CDH4: variants seen among roughly 807,000 people sequenced by gnomAD.
CDH4 encodes cadherin 4.
A neutral mutation model predicts 86.0 loss-of-function variants in CDH4; 33 were observed. The ratio of observed to expected loss-of-function variants is 0.38; its 90% confidence interval spans 0.29 to 0.51. CDH4 has a LOEUF of 0.51. Among genes scored for constraint, CDH4 ranks in the 20% least tolerant of loss-of-function variants. The pLI, the probability that CDH4 is intolerant of heterozygous loss-of-function variation, is 0.86. For synonymous variants in CDH4, 555 were observed against 549.4 expected, an observed-to-expected ratio of 1.01 and a Z score of -0.14; for missense variants, 1,114 against 1,307.4, an observed-to-expected ratio of 0.85 and a Z score of 2.28.
rs149310357 is a variant in CDH4 at position 61,386,167 on chromosome 20, C to A, written c.169+131230C>A. Among the ~76,000 whole-genome samples the A allele has an allele frequency of 9.7e-3, 1,476 of 152,262 alleles. 10 individuals are homozygous for A. The highest frequency in any genetic ancestry group is 0.065 in the Middle Eastern group (19 of 294). On this transcript the variant is annotated intron_variant, in intron 2 of 15. Coordinates refer to ENST00000614565, the MANE Select transcript of CDH4 (RefSeq NM_001794.5). ...TGTTCGCCTTTCCTGGAAGAATAGA[C>A]CACGTACCACTGCTGTTCGTTGTTG...
chr20:61,522,216 A>T (rs2085874707), intron 2 of CDH4, among the ~76,000 whole-genome samples: 1 of 152,058 alleles, frequency 6.6e-6, no homozygotes, highest in Admixed American at 6.5e-5. Context: ...CCTCGCTGTG[A>T]TACCCCCTCA....
chr20:61,632,101 T>G (rs540633235), intron 2 of CDH4, among the ~76,000 whole-genome samples: 7 of 152,348 alleles, frequency 4.6e-5, no homozygotes, highest in Admixed American at 1.3e-4. Flanking sequence ...TCCTGTGATG[T>G]GCACAGCACA....
intron 2 of CDH4, among the ~76,000 whole-genome samples, chr20:61,375,766 G>C (rs569095776): frequency 1.5e-5 from 2 of 135,062 alleles, no homozygotes; most frequent in Admixed American, 1.5e-4. Context: ...GGTGGTGCTG[G>C]TGGTGGTCAT....
intron 2 of CDH4, among the ~76,000 whole-genome samples, chr20:61,547,174 T>C (rs1280991512): frequency 6.7e-6 from 1 of 148,274 alleles, no homozygotes; most frequent in Non-Finnish European, 1.5e-5. Context: ...GGATTCAGTC[T>C]CTCACATACT....
intron 2 of CDH4, among the ~76,000 whole-genome samples, chr20:61,726,353 T>G (rs1226871890): frequency 1.3e-5 from 2 of 152,050 alleles, no homozygotes; most frequent in Admixed American, 1.3e-4. Flanking sequence ...GGTTTCTGCT[T>G]GGGAACCCCC....
At chr20:61,261,575 T>G (rs1245181123) in intron 2 of CDH4, among the ~76,000 whole-genome samples, 1 of 152,138 alleles carries the variant, frequency 6.6e-6, no homozygotes, top group Non-Finnish European at 1.5e-5. Flanking sequence ...GATCGGTGAG[T>G]TCTGGAGATT....
At chr20:61,508,109 CA>C (rs1241127162) in intron 2 of CDH4, among the ~76,000 whole-genome samples, 2 of 152,216 alleles carry the variant, frequency 1.3e-5, no homozygotes, top group African/African-American at 4.8e-5. Context: ...CAAACATAAG[CA>C]TGCTTCCCGT....
At chr20:61,483,144 G>A (rs548901809) in intron 2 of CDH4, among the ~76,000 whole-genome samples, 10 of 152,346 alleles carry the variant, frequency 6.6e-5, no homozygotes, top group South Asian at 4.1e-4. Context: ...AGTCCAGGTA[G>A]ATAGGAACAC....
chr20:61,845,814 G>T (rs1982429642), intron 5 of CDH4, among the ~76,000 whole-genome samples: 1 of 152,232 alleles, frequency 6.6e-6, no homozygotes, highest in Non-Finnish European at 1.5e-5. Context: ...GTGTCACCTT[G>T]CTCGGTTCCA....
At chr20:61,840,960 T>A (rs188037830) in intron 4 of CDH4, among the ~76,000 whole-genome samples, 41 of 152,308 alleles carry the variant, frequency 2.7e-4, no homozygotes, top group Non-Finnish European at 5.9e-5. Flanking sequence ...AAAAACAAAT[T>A]CTCTTTAAAT....
rs1458318661 is a variant in CDH4 at position 61,620,752 on chromosome 20, G to T, written c.170-122811G>T. Among the ~76,000 whole-genome samples, 8 of 152,296 alleles carry T rather than the reference G, an allele frequency of 5.3e-5. No individual in the cohort carries two copies. The South Asian group carries it at 6.2e-4, about 12-fold the overall frequency. ...GAGCAATGTTTGTTTCTTTGTGTTT[G>T]TTTGTTTACTTGTTTGCAGAGGCTG... On this transcript the variant is annotated intron_variant, in intron 2 of 15. Transcript: ENST00000614565.
At chr20:61,462,882 A>C (rs1402454344) in intron 2 of CDH4, among the ~76,000 whole-genome samples, 1 of 152,178 alleles carries the variant, frequency 6.6e-6, no homozygotes, top group African/African-American at 2.4e-5. Context: ...CAGTCTTCAA[A>C]GGGGATGAAG....
At position 61,743,734 on chromosome 20, in the gene CDH4, A is replaced by G; in HGVS notation, c.341A>G (p.Asp114Gly). ...AWDSQTAEKW[D>G]AVVRLLVAQT... ...GACAGCCAGACAGCAGAGAAATGGG[A>G]CGCCGTGGTGCGGTTGCTGGTGGCC... Residue 114 changes from aspartate to glycine, a missense_variant, in exon 3 of 16, where the codon GAC becomes GGC. By Grantham distance (94) the Asp-to-Gly change is moderately conservative. Around this residue, in one of 3 missense-constraint regions of CDH4, gnomAD observed 221 missense variants for 209.5 expected, o/e 1.05. Transcript: ENST00000614565. 1 of 1,611,146 alleles carries G rather than the reference A, an allele frequency of 6.2e-7. No individual in the cohort carries two copies. The highest frequency in any genetic ancestry group is 2.2e-5 in the East Asian group (1 of 44,790).
chr20:61,713,244 G>C (rs2087912485), intron 2 of CDH4, among the ~76,000 whole-genome samples: 1 of 152,194 alleles, frequency 6.6e-6, no homozygotes, highest in African/African-American at 2.4e-5. Context: ...CCAGGTTCAA[G>C]GTGCACATCC....
At chr20:61,871,357 T>C (rs1983796669) in intron 6 of CDH4, among the ~76,000 whole-genome samples, 1 of 152,232 alleles carries the variant, frequency 6.6e-6, no homozygotes, top group Non-Finnish European at 1.5e-5. Context: ...GCTTGAAGTC[T>C]TCTCATTGCC....
intron 2 of CDH4, among the ~76,000 whole-genome samples, chr20:61,491,106 G>A (rs1008000075): frequency 1.3e-5 from 2 of 152,206 alleles, no homozygotes; most frequent in African/African-American, 4.8e-5. Flanking sequence ...TTGGCATATG[G>A]TATAGCCAAC....
intron 2 of CDH4, among the ~76,000 whole-genome samples, chr20:61,259,309 A>G (rs1336447307): frequency 6.6e-6 from 1 of 152,194 alleles, no homozygotes; most frequent in Non-Finnish European, 1.5e-5. Flanking sequence ...TGTCTTTACA[A>G]GTAGGTTGAA....
chr20:61,471,092 G>T (rs1208863603), intron 2 of CDH4, among the ~76,000 whole-genome samples: 4 of 151,940 alleles, frequency 2.6e-5, no homozygotes, highest in Admixed American at 1.3e-4. Context: ...CTATTTTTCA[G>T]AATCTTTTAA....
At chr20:61,478,437 C>T (rs539630930) in intron 2 of CDH4, among the ~76,000 whole-genome samples, 1 of 152,288 alleles carries the variant, frequency 6.6e-6, no homozygotes, top group South Asian at 2.1e-4. Context: ...TAAAATAGAT[C>T]TAGTTCAGAT....
Sources: gnomAD v4.1 joint callset for allele counts (sites outside exome capture counted in the v4.1 genomes callset) on GRCh38, gnomAD v4.1.1 for gene constraint, gnomAD v4.1.1 regional missense constraint, MANE v1.5 for transcripts, NCBI Gene and HGNC (gene_info 2026-07-23, HGNC 2026-07-21) for gene names.